The following CEP128 variants were observed in gnomAD, a reference collection of about 807,000 sequenced individuals.
CEP128 encodes the protein centrosomal protein 128.
CEP128 carries 132 observed loss-of-function variants against 156.7 expected under a neutral mutation model. That is an observed-to-expected ratio of 0.84 (90% confidence interval 0.73 to 0.97). CEP128 has a LOEUF of 0.97. Among genes scored for constraint, CEP128 ranks in the 50% least tolerant of loss-of-function variants. CEP128 has a pLI of 0.00. For missense variants in CEP128, 1,252 were observed against 1,281.9 expected (o/e 0.98, Z 0.36); for synonymous variants, 469 against 448.9 (o/e 1.04, Z -0.57).
At chr14:80,879,122 C>T (rs553577755) in intron 8 of CEP128, among the ~76,000 whole-genome samples, 1 of 152,262 alleles carries the variant, frequency 6.6e-6, no homozygotes, top group East Asian at 1.9e-4. Context: ...GACTACAACA[C>T]TGCACTAACA....
intron 20 of CEP128, among the ~76,000 whole-genome samples, chr14:80,561,971 A>G (rs1370657247): frequency 1.3e-5 from 2 of 150,698 alleles, no homozygotes; most frequent in African/African-American, 4.9e-5. Flanking sequence ...TCTGTCGCCC[A>G]GGCTGGAGTG....
At chr14:80,798,555 T>C (rs1210590791) in intron 13 of CEP128, among the ~76,000 whole-genome samples, 2 of 152,238 alleles carry the variant, frequency 1.3e-5, no homozygotes, top group African/African-American at 4.8e-5. Flanking sequence ...GAGCAAAATT[T>C]TAGACTCTCA....
intron 19 of CEP128, among the ~76,000 whole-genome samples, chr14:80,593,430 A>G (rs1440401466): frequency 1.3e-5 from 2 of 151,232 alleles, no homozygotes; most frequent in African/African-American, 4.9e-5. Context: ...AGTCCCAGCT[A>G]CTCGGGTGAC....
At chr14:80,641,042 T>C (rs1255953374) in intron 19 of CEP128, among the ~76,000 whole-genome samples, 5 of 152,220 alleles carry the variant, frequency 3.3e-5, no homozygotes, top group Non-Finnish European at 7.3e-5. Flanking sequence ...AATTTGATTA[T>C]ATAATGGCCC....
chr14:80,873,230 T>C (rs1888115266), intron 8 of CEP128, among the ~76,000 whole-genome samples: 1 of 152,150 alleles, frequency 6.6e-6, no homozygotes, highest in Admixed American at 6.5e-5. Flanking sequence ...CAGTGAGGAG[T>C]GACATCCAGT....
At chr14:80,522,361 TCA>T (rs1888783928) in intron 23 of CEP128, among the ~76,000 whole-genome samples, 1 of 152,224 alleles carries the variant, frequency 6.6e-6, no homozygotes, top group Non-Finnish European at 1.5e-5. Flanking sequence ...TGTACTTATA[TCA>T]CACACATGCT....
intron 9 of CEP128, among the ~76,000 whole-genome samples, chr14:80,842,994 T>C (rs948799488): frequency 2.0e-5 from 3 of 151,976 alleles, no homozygotes; most frequent in African/African-American, 7.2e-5. Flanking sequence ...ATTGTACTAC[T>C]GCATTTCCTT....
At chr14:80,639,235 C>A (rs1300958873) in intron 19 of CEP128, among the ~76,000 whole-genome samples, 1 of 151,976 alleles carries the variant, frequency 6.6e-6, no homozygotes, top group African/African-American at 2.4e-5. Flanking sequence ...AAAAATAATT[C>A]AGATAATCCT....
At chr14:80,736,673 G>A (rs963568403) in intron 19 of CEP128, among the ~76,000 whole-genome samples, 1 of 152,094 alleles carries the variant, frequency 6.6e-6, no homozygotes, top group Non-Finnish European at 1.5e-5. Context: ...CTAAAATTAA[G>A]TTCATCCAAT....
intron 13 of CEP128, among the ~76,000 whole-genome samples, chr14:80,818,564 T>C (rs1044461053): frequency 2.6e-5 from 4 of 152,252 alleles, no homozygotes; most frequent in South Asian, 2.1e-4. Flanking sequence ...GACAGCCATC[T>C]AGAGGTAGCT....
At chr14:80,670,782 C>T (rs557690701) in intron 19 of CEP128, among the ~76,000 whole-genome samples, 1 of 151,982 alleles carries the variant, frequency 6.6e-6, no homozygotes, top group South Asian at 2.1e-4. Flanking sequence ...TTTAAATTTA[C>T]ATAAATTTAC....
At chr14:80,839,802 T>G (rs907185538) in intron 10 of CEP128, among the ~76,000 whole-genome samples, 5 of 152,074 alleles carry the variant, frequency 3.3e-5, no homozygotes, top group Non-Finnish European at 5.9e-5. Context: ...AAGTAAAGTA[T>G]AAGTGGGGAT....
At chr14:80,942,588 T>G (rs1439927774), upstream of CEP128, among the ~76,000 whole-genome samples, 1 of 152,220 alleles carries the variant, frequency 6.6e-6, no homozygotes, top group Non-Finnish European at 1.5e-5. Context: ...GTGAAAGCTT[T>G]CCTGGCTACG....
chr14:80,732,941 A>G (rs1488248848), intron 19 of CEP128, among the ~76,000 whole-genome samples: 6 of 126,274 alleles, frequency 4.8e-5, no homozygotes, highest in Non-Finnish European at 1.7e-5. Context: ...GGTTAATTTT[A>G]TATGTCAACT....
chr14:80,896,152 A>G (rs77923167), intron 7 of CEP128, among the ~76,000 whole-genome samples: 12,932 of 152,236 alleles, frequency 0.085, 627 homozygotes, highest in African/African-American at 0.12. Flanking sequence ...TAAATTAAGA[A>G]AAAAGAGAGA....
chr14:80,594,029 A>G (rs1387860178), intron 19 of CEP128, among the ~76,000 whole-genome samples: 1 of 152,212 alleles, frequency 6.6e-6, no homozygotes, highest in Non-Finnish European at 1.5e-5. Context: ...TCCTAAGCAA[A>G]AAGAACAAAG....
At position 80,673,659 on chromosome 14, in the gene CEP128, AAAAAAAAAAAAAT is replaced by A. The variant is rs1453529028; in HGVS notation, c.2806+69403_2806+69415del. Reference sequence around the variant, plus strand: ...AGACTCCGTCTCAAAAAAAAAAAAAAAAAAAAAAAAAATGTACTAAAGCAAAGGGATCTCACAT... The same window carrying A: ...AGACTCCGTCTCAAAAAAAAAAAAAAGTACTAAAGCAAAGGGATCTCACAT... On this transcript the variant is annotated intron_variant, in intron 19 of 24. Transcript: ENST00000555265. 3.4e-5 allele frequency among the ~76,000 whole-genome samples: 5 copies of A among 148,514 alleles called. No individual in the cohort carries two copies. In the East Asian group the frequency reaches 7.8e-4, roughly 23 times the overall value.
chr14:80,784,282 G>GAAA lies in CEP128; in HGVS notation c.2211+610_2211+612dup, dbSNP rs34067954. Among the ~76,000 whole-genome samples, 5 of 137,390 alleles carry GAAA rather than the reference G, an allele frequency of 3.6e-5. No homozygotes were observed. The East Asian group carries it at 8.7e-4, about 24-fold the overall frequency. 90.1% of individuals were successfully genotyped at this position (137,390 alleles called of 152,430 possible). On this transcript the variant is annotated intron_variant, in intron 15 of 24. Transcript: ENST00000555265. ...ATCTATATCATATGACACGTGTTAT[G>GAAA]AAAAAAAAAAAAAAGACAGGAAGAG...
In CEP128 at chr14:80,939,380, C is replaced by T; in HGVS notation, c.-16+5G>A. On this transcript the variant is annotated splice_donor_5th_base_variant and intron_variant, in intron 2 of 24. Coordinates refer to ENST00000555265, the MANE Select transcript of CEP128 (RefSeq NM_152446.5). ...CTCAGAAACTCAGGGAGAAAGCATA[C>T]TTACAAAGCACACCCCCAAAACTCC... 1 of 152,260 alleles carries T rather than the reference C, an allele frequency of 6.6e-6. No homozygotes were observed. Among genetic ancestry groups the T allele is most frequent in the Admixed American group, 6.5e-5 (1 of 15,298 alleles). The allele number at this position is 152,260 out of a possible 1,614,324, so 9.4% of individuals were successfully genotyped here. A position where few individuals can be genotyped will look rare whatever the true frequency, so the allele number is the denominator to read the frequency against.
Sources: gnomAD v4.1 joint callset for allele counts (sites outside exome capture counted in the v4.1 genomes callset) on GRCh38, gnomAD v4.1.1 for gene constraint, MANE v1.5 for transcripts, NCBI Gene and HGNC (gene_info 2026-07-23, HGNC 2026-07-21) for gene names.